ITGAX: variants seen among roughly 807,000 people sequenced by gnomAD.
The protein encoded by ITGAX is integrin subunit alpha X.
ITGAX carries 99 observed loss-of-function variants against 140.2 expected under a neutral mutation model. The observed-to-expected ratio is 0.71, with a 90% CI of 0.60 to 0.83. ITGAX has a LOEUF of 0.83. ITGAX is among the 40% of genes least tolerant of loss of function. The pLI is 0.00. For synonymous variants in ITGAX, 631 were observed against 600.4 expected (o/e 1.05, Z -0.75); for missense variants, 1,444 against 1,482.0 (o/e 0.97, Z 0.42).
rs34126382 is a variant in ITGAX at position 31,369,289 on chromosome 16, ACCC to A, written c.1711-1786_1711-1784del. ...AGGCAGCTGGCCGGGCGGGGGGCTG[ACCC>A]CCCCCCCCACCTCCCTCCCGGACGG... On this transcript the variant is annotated intron_variant, in intron 14 of 29. Transcript: ENST00000268296. Among the ~76,000 whole-genome samples, 69 of 121,198 alleles carry A rather than the reference ACCC, an allele frequency of 5.7e-4. 1 individual carries two copies. Among genetic ancestry groups the A allele is most frequent in the African/African-American group, 1.9e-3 (64 of 34,118 alleles). 79.5% of individuals were successfully genotyped at this position (121,198 alleles called of 152,430 possible). A position where few individuals can be genotyped will look rare whatever the true frequency, so the allele number is the denominator to read the frequency against.
At chr16:31,364,853 CA>C (rs56670313) in intron 14 of ITGAX, among the ~76,000 whole-genome samples, 78 of 106,174 alleles carry the variant, frequency 7.3e-4, no homozygotes, top group African/African-American at 3.1e-3. Flanking sequence ...ACTAAAAATA[CA>C]AAAAAAAAAA....
chr16:31,382,755 T>A lies in ITGAX; in HGVS notation c.*848T>A. ...TGCTGGCTGGAAGGGAGGAGCGCCC[T>A]CTAGGGAGGGACATGGCCCCGGTGC... On this transcript the variant is annotated 3_prime_UTR_variant, in exon 30 of 30. Transcript: ENST00000268296. 2.0e-6 allele frequency: 1 copy of A among 508,766 alleles called. No individual in the cohort carries two copies. The highest frequency in any genetic ancestry group is 3.5e-6 in the Non-Finnish European group (1 of 284,288). 31.5% of individuals were successfully genotyped at this position (508,766 alleles called of 1,614,324 possible). A position where few individuals can be genotyped will look rare whatever the true frequency, so the allele number is the denominator to read the frequency against.
chr16:31,360,254 C>T (rs1246892273), intron 7 of ITGAX, 56 bp from the exon 8 acceptor site: 2 of 1,547,490 alleles, frequency 1.3e-6, no homozygotes, highest in African/African-American at 2.8e-5. Flanking sequence ...CACAAGGGCA[C>T]CAGGGGCTAG....
At chr16:31,372,569 G>T in intron 18 of ITGAX, 28 bp from the exon 19 acceptor site, 1 of 1,614,086 alleles carries the variant, frequency 6.2e-7, no homozygotes, top group Non-Finnish European at 8.5e-7. Context: ...GGGTCTCGGA[G>T]AAAACCCCCC....
chr16:31,373,101 A>AAAAG, intron 19 of ITGAX, 148 bp from the exon 20 acceptor site: 1 of 479,810 alleles, frequency 2.1e-6, no homozygotes, highest in Non-Finnish European at 3.5e-6. Flanking sequence ...TCTTAAAAAA[A>AAAAG]AAGAAGAAGA....
In ITGAX at chr16:31,380,946, T is replaced by A. The variant is rs1597085824; in HGVS notation, c.3326T>A (p.Ile1109Asn). 6.2e-7 allele frequency: 1 copy of A among 1,614,134 alleles called. No individual in the cohort carries two copies. The highest frequency in any genetic ancestry group is 2.2e-5 in the East Asian group (1 of 44,880). ...KYKVHNPTPLIVGSSIGGLLL... is the reference protein window; with the variant it reads ...KYKVHNPTPLNVGSSIGGLLL... ...AAGGTCCACAACCCCACCCCCCTCA[T>A]CGTAGGCAGCTCCATTGGGGGTCTG... The change falls in exon 29 of 30, where the codon ATC (isoleucine) becomes AAC (asparagine). Residue 1109 changes from isoleucine (I) to asparagine (N), a missense_variant. By Grantham distance (149) the Ile-to-Asn change is moderately radical. Coordinates refer to ENST00000268296, the MANE Select transcript of ITGAX (RefSeq NM_000887.5).
In ITGAX at chr16:31,371,759, G is replaced by A. The variant is rs2080964668; in HGVS notation, c.2135G>A (p.Cys712Tyr). The A allele has an allele frequency of 1.9e-6, 3 of 1,613,954 alleles. No homozygotes were observed. Among genetic ancestry groups the A allele is most frequent in the Admixed American group, 1.7e-5 (1 of 60,004 alleles). ...CGAGTCCTCGGGCTGAAGGCACACT[G>A]TGAAAACTTCAACCTGCTGCTCCCG... Reference protein sequence around the residue: ...RVRVLGLKAHCENFNLLLPSC... With the variant: ...RVRVLGLKAHYENFNLLLPSC... Residue 712 changes from cysteine (C) to tyrosine (Y), a missense_variant, in exon 17 of 30, where the codon TGT (cysteine) becomes TAT (tyrosine). Transcript: ENST00000268296.
In ITGAX at chr16:31,382,497, A is replaced by G; in HGVS notation, c.*590A>G. 6.7e-7 allele frequency: 1 copy of G among 1,494,616 alleles called. No individual in the cohort carries two copies. The highest frequency in any genetic ancestry group is 2.5e-5 in the East Asian group (1 of 40,722). The allele number at this position is 1,494,616 out of a possible 1,614,324, so 92.6% of individuals were successfully genotyped here. ...CCATTACCCTCAGGACAATGTCTGA[A>G]CTCTCCAGCTTCGCGTGAGAAGTCC... On this transcript the variant is annotated 3_prime_UTR_variant, in exon 30 of 30. Transcript: ENST00000268296.
At chr16:31,357,514 C>T (rs11574636) in intron 5 of ITGAX, 150 bp downstream of exon 5, 105,579 of 601,760 alleles carry the variant, frequency 0.18, 10,562 homozygotes, top group Middle Eastern at 0.29. Context: ...GACGCTGCTG[C>T]CCGCACATCC....
chr16:31,378,885 T>C (rs965959854), intron 23 of ITGAX, among the ~76,000 whole-genome samples: 8 of 151,830 alleles, frequency 5.3e-5, no homozygotes, highest in African/African-American at 1.9e-4. Flanking sequence ...GTACCATCTC[T>C]GCTCACTGCA....
chr16:31,380,186 C>A, intron 26 of ITGAX, 80 bp from the exon 27 acceptor site: 1 of 1,532,096 alleles, frequency 6.5e-7, no homozygotes, highest in Non-Finnish European at 9.0e-7. Context: ...ATGGCCGCTG[C>A]CCTCAAGTCA....
chr16:31,371,315 C>G lies in ITGAX; in HGVS notation c.1842-19C>G, dbSNP rs1476004017. ...CCAGGAGCCGACGGCCTGTCCTCAGCTCGGTGCTCTGCCCGCAGGACCAGA... is the reference window on the plus strand; with the variant it reads ...CCAGGAGCCGACGGCCTGTCCTCAGGTCGGTGCTCTGCCCGCAGGACCAGA... On this transcript the variant is annotated intron_variant, in intron 15 of 29. Transcript: ENST00000268296. 4 of 1,613,370 alleles carry G rather than the reference C, an allele frequency of 2.5e-6. No homozygotes were observed. Among genetic ancestry groups the G allele is most frequent in the Non-Finnish European group, 3.4e-6 (4 of 1,179,458 alleles).
chr16:31,356,773 T>C, intron 3 of ITGAX, 45 bp downstream of exon 3: 1 of 1,405,734 alleles, frequency 7.1e-7, no homozygotes, highest in Non-Finnish European at 9.8e-7. Context: ...GCTCCCAGGC[T>C]TCCCTGCTCC....
Position 31,357,788 on chromosome 16 carries a change from G to T in ITGAX, c.430+424G>T, listed in dbSNP as rs2080779610. 6 of 410,210 alleles carry T rather than the reference G, an allele frequency of 1.5e-5. No homozygotes were observed. In the South Asian group the frequency reaches 5.1e-4, roughly 35 times the overall value. The allele number at this position is 410,210 out of a possible 1,614,324, so 25.4% of individuals were successfully genotyped here. ...TTGGTTTGTGCCGTAGTTTAGGAAA[G>T]GTCAGTGAAAGTGCAGTGTGAGCAA... is the stretch of plus-strand genomic sequence containing the variant. On this transcript the variant is annotated intron_variant, in intron 5 of 29. Coordinates refer to ENST00000268296, the MANE Select transcript of ITGAX (RefSeq NM_000887.5).
chr16:31,369,296 C>CA, intron 14 of ITGAX, among the ~76,000 whole-genome samples: 1 of 143,268 alleles, frequency 7.0e-6, no homozygotes, highest in African/African-American at 2.6e-5. Context: ...CTGACCCCCC[C>CA]CCCCACCTCC....
At position 31,380,509 on chromosome 16, in the gene ITGAX, C is replaced by T; in HGVS notation, c.3175-14C>T. On this transcript the variant is annotated splice_polypyrimidine_tract_variant and intron_variant, in intron 27 of 29. Transcript: ENST00000268296. Reference sequence around the variant, plus strand: ...CAGAGCCAGTTCAACAGGTTTCCCCCAACCCCTTTGCAGATATTGCAGAAG... The same window carrying T: ...CAGAGCCAGTTCAACAGGTTTCCCCTAACCCCTTTGCAGATATTGCAGAAG... 1 of 1,614,222 alleles carries T rather than the reference C, an allele frequency of 6.2e-7. No individual in the cohort carries two copies. The highest frequency in any genetic ancestry group is 8.5e-7 in the Non-Finnish European group (1 of 1,180,022).
Position 31,382,229 on chromosome 16 carries a change from T to A in ITGAX, c.*322T>A. ...GCACGAATGATCTTTCTTTCCTTTC[T>A]TTTTTTTTTTTTTTCTTTTCTTTTT... On this transcript the variant is annotated 3_prime_UTR_variant, in exon 30 of 30. Transcript: ENST00000268296. 4.1e-4 allele frequency: 91 copies of A among 221,596 alleles called. No individual in the cohort carries two copies. The highest frequency in any genetic ancestry group is 5.3e-4 in the Non-Finnish European group (85 of 160,224). The allele number at this position is 221,596 out of a possible 1,614,324, so 13.7% of individuals were successfully genotyped here.
chr16:31,378,167 G>A (rs1478536429), intron 23 of ITGAX, among the ~76,000 whole-genome samples: 2 of 152,178 alleles, frequency 1.3e-5, no homozygotes, highest in South Asian at 4.1e-4. Context: ...CAAGCCCCAG[G>A]CCCGGAAAAG....
intron 20 of ITGAX, among the ~76,000 whole-genome samples, chr16:31,376,131 T>G (rs1038578891): frequency 5.9e-5 from 9 of 152,114 alleles, no homozygotes; most frequent in African/African-American, 2.2e-4. Flanking sequence ...GAAACAAGAG[T>G]AGAAAAATGT....
Sources: allele counts gnomAD v4.1 joint callset (sites outside exome capture counted in the v4.1 genomes callset), GRCh38; gene constraint gnomAD v4.1.1; transcripts MANE v1.5; gene names NCBI Gene and HGNC (gene_info 2026-07-23, HGNC 2026-07-21).